Variants in ANKRD34C observed in about 807,000 individuals in gnomAD.
ANKRD34C encodes the protein ankyrin repeat domain 34C.
For synonymous variants in ANKRD34C, 260 were observed against 253.6 expected (o/e 1.03, Z -0.24); for missense variants, 563 against 653.0 (o/e 0.86, Z 1.50).
chr15:79,289,612 C>T (rs1427436767), intron 1 of ANKRD34C, among the ~76,000 whole-genome samples: 2 of 152,212 alleles, frequency 1.3e-5, no homozygotes, highest in African/African-American at 2.4e-5. Flanking sequence ...ACTAGAGGTA[C>T]GTGATTTGCA....
At position 79,293,484 on chromosome 15, in the gene ANKRD34C, T is replaced by C; in HGVS notation, c.200T>C (p.Met67Thr). The C allele has an allele frequency of 2.6e-6, 4 of 1,551,644 alleles. No individual in the cohort carries two copies. The highest frequency in any genetic ancestry group is 3.5e-6 in the Non-Finnish European group (4 of 1,146,956). The change falls in exon 2 of 2, where the codon ATG becomes ACG. Residue 67 changes from methionine (M) to threonine (T), a missense_variant. By Grantham distance (81) the Met-to-Thr change is moderately conservative (BLOSUM62 -1). Transcript: ENST00000421388. ...CAGCAAAGCATCAGCAAGTCCAAGA[T>C]GGTGAAGTACCTGCTGGACAACAGG... ...VDQQSISKSKMVKYLLDNRAD... is the reference protein window; with the variant it reads ...VDQQSISKSKTVKYLLDNRAD...
rs117920674 is a variant in ANKRD34C at position 79,288,571 on chromosome 15, G to A, written c.-44-4670G>A. Among the ~76,000 whole-genome samples the A allele has an allele frequency of 3.4e-3, 516 of 152,212 alleles. 4 individuals are homozygous for A. The highest frequency in any genetic ancestry group is 0.026 in the East Asian group (135 of 5,162). ...CTAGTCAGCAGAAACCAGGTGTGGG[G>A]GTTCACCATTTGTAGCAGACAACAG... On this transcript the variant is annotated intron_variant, in intron 1 of 1. Coordinates refer to ENST00000421388, the MANE Select transcript of ANKRD34C (RefSeq NM_001146341.2).
In ANKRD34C at chr15:79,293,359, G is replaced by A. The variant is rs941491229; in HGVS notation, c.75G>A (p.Arg25=). Residue 25 remains arginine (R), a synonymous_variant, in exon 2 of 2, where the codon AGG becomes AGA. Transcript: ENST00000421388. ...LLKAVWLGRL[R]LTRLLLEGGA... The stretch of plus-strand genomic sequence containing the variant: ...AGGCTGTGTGGCTGGGGAGGCTCAG[G>A]TTGACCAGGCTGCTCTTGGAAGGGG... 1 of 1,551,356 alleles carries A rather than the reference G, an allele frequency of 6.4e-7. No homozygotes were observed. Among genetic ancestry groups the A allele is most frequent in the Non-Finnish European group, 8.7e-7 (1 of 1,146,880 alleles).
In ANKRD34C at chr15:79,293,647, A is replaced by G. The variant is rs76207286; in HGVS notation, c.363A>G (p.Ser121=). 2,119 of 1,551,702 alleles carry G rather than the reference A, an allele frequency of 1.4e-3. 23 individuals are homozygous for G. In the Admixed American group the frequency reaches 0.023, roughly 17 times the overall value. Residue 121 remains serine, a synonymous_variant, in exon 2 of 2, where the codon TCA becomes TCG. Transcript: ENST00000421388. ...GCCTTGAAGATCGCACTGGGGCTTCAGCTCTGGTTTATGCAATAAATGCAG... is the reference window on the plus strand; with the variant it reads ...GCCTTGAAGATCGCACTGGGGCTTCGGCTCTGGTTTATGCAATAAATGCAG... ...DPSLEDRTGA[S]ALVYAINADD... is the part of the protein sequence containing the mutation.
rs2058664184 is a variant in ANKRD34C at position 79,293,312 on chromosome 15, AC to A, written c.29del (p.Thr10MetfsTer7). MMDDDTELR[T>X]DGNSLLKAVW... is the part of the protein sequence containing the mutation. ...GATGGATGATGACACTGAATTAAGG[AC>A]TGATGGAAACTCTTTGTTAAAGGCT... On this transcript the variant is annotated frameshift_variant, in exon 2 of 2. Coordinates refer to ENST00000421388, the MANE Select transcript of ANKRD34C (RefSeq NM_001146341.2). LOFTEE classifies it low-confidence loss of function (END_TRUNC). The A allele has an allele frequency of 6.5e-7, 1 of 1,536,782 alleles. No homozygotes were observed. The highest frequency in any genetic ancestry group is 2.0e-5 in the Admixed American group (1 of 49,736).
At chr15:79,287,685 T>C (rs1376436447) in intron 1 of ANKRD34C, among the ~76,000 whole-genome samples, 1 of 152,260 alleles carries the variant, frequency 6.6e-6, no homozygotes, top group Non-Finnish European at 1.5e-5. Context: ...GCTGACTTAT[T>C]GGAAGGCTTC....
chr15:79,293,199 T>C lies in ANKRD34C; in HGVS notation c.-44-42T>C, dbSNP rs187816396. On this transcript the variant is annotated intron_variant, in intron 1 of 1. Transcript: ENST00000421388. ...TAATAACCATGCTGCACAGATCTGT[T>C]ATAAAACATATAACATTTGTTCCCT... 1.1e-5 allele frequency: 15 copies of C among 1,353,362 alleles called. No homozygotes were observed. In the East Asian group the frequency reaches 1.5e-4, roughly 14 times the overall value. 83.8% of individuals were successfully genotyped at this position (1,353,362 alleles called of 1,614,324 possible). A position where few individuals can be genotyped will look rare whatever the true frequency, so the allele number is the denominator to read the frequency against.
rs2058674293 is a variant in ANKRD34C at position 79,297,170 on chromosome 15, T to C, written c.*2278T>C. On this transcript the variant is annotated 3_prime_UTR_variant, in exon 2 of 2. Coordinates refer to ENST00000421388, the MANE Select transcript of ANKRD34C (RefSeq NM_001146341.2). The stretch of plus-strand genomic sequence containing the variant: ...ATTAATAGTTCTTACCAAGTAGAAG[T>C]GATCCCAGGCAAAGAAACAACTTTC... 6.0e-6 allele frequency: 1 copy of C among 166,886 alleles called. No homozygotes were observed. Among genetic ancestry groups the C allele is most frequent in the Non-Finnish European group, 1.5e-5 (1 of 68,128 alleles). 10.3% of individuals were successfully genotyped at this position (166,886 alleles called of 1,614,324 possible).
rs764110477 is a variant in ANKRD34C, at chr15:79,294,936, G to C, written c.*44G>C. The C allele has an allele frequency of 6.2e-5, 91 of 1,468,844 alleles. No homozygotes were observed. The Middle Eastern group carries it at 8.9e-4, about 14-fold the overall frequency. 91.0% of individuals were successfully genotyped at this position (1,468,844 alleles called of 1,614,324 possible). ...AAATAGTCAATATAGTTTATGGAAG[G>C]GACTATGGATGAGACTGCTTCCTGA... On this transcript the variant is annotated 3_prime_UTR_variant, in exon 2 of 2. Coordinates refer to ENST00000421388, the MANE Select transcript of ANKRD34C (RefSeq NM_001146341.2).
intron 1 of ANKRD34C, among the ~76,000 whole-genome samples, chr15:79,288,977 C>G (rs572404687): frequency 6.6e-6 from 1 of 151,858 alleles, no homozygotes; most frequent in Non-Finnish European, 1.5e-5. Flanking sequence ...TGTGCCACCA[C>G]GCCTGGCTAA....
intron 1 of ANKRD34C, among the ~76,000 whole-genome samples, chr15:79,285,281 A>G (rs977987255): frequency 1.3e-5 from 2 of 152,208 alleles, no homozygotes; most frequent in African/African-American, 4.8e-5. Flanking sequence ...AAAAGTCCGT[A>G]GACTCTTCTC....
At position 79,296,493 on chromosome 15, in the gene ANKRD34C, T is replaced by C. The variant is rs896294567; in HGVS notation, c.*1601T>C. Reference sequence around the variant, plus strand: ...ATGGAATAAAGTTTCTCTGGAAAAGTTCAAGTATCTCTATGAGATCCCCAG... The same window carrying C: ...ATGGAATAAAGTTTCTCTGGAAAAGCTCAAGTATCTCTATGAGATCCCCAG... On this transcript the variant is annotated 3_prime_UTR_variant, in exon 2 of 2. Coordinates refer to ENST00000421388, the MANE Select transcript of ANKRD34C (RefSeq NM_001146341.2). 1 of 167,210 alleles carries C rather than the reference T, an allele frequency of 6.0e-6. No homozygotes were observed. The highest frequency in any genetic ancestry group is 1.9e-4 in the East Asian group (1 of 5,196). The allele number at this position is 167,210 out of a possible 1,614,324, so 10.4% of individuals were successfully genotyped here. A position where few individuals can be genotyped will look rare whatever the true frequency, so the allele number is the denominator to read the frequency against.
intron 1 of ANKRD34C, among the ~76,000 whole-genome samples, chr15:79,291,360 C>A (rs141587977): frequency 6.6e-5 from 10 of 152,122 alleles, no homozygotes; most frequent in Non-Finnish European, 1.3e-4. Flanking sequence ...AGGACCCCTT[C>A]GATGAAATGG....
Position 79,293,182 on chromosome 15 carries a change from A to G in ANKRD34C, c.-44-59A>G, listed in dbSNP as rs373720019. 23 of 1,275,458 alleles carry G rather than the reference A, an allele frequency of 1.8e-5. No homozygotes were observed. In the East Asian group the frequency reaches 5.1e-4, roughly 28 times the overall value. 79.0% of individuals were successfully genotyped at this position (1,275,458 alleles called of 1,614,324 possible). ...ACTGTACCCAGACCCCGTAATAACC[A>G]TGCTGCACAGATCTGTTATAAAACA... On this transcript the variant is annotated intron_variant, in intron 1 of 1. Coordinates refer to ENST00000421388, the MANE Select transcript of ANKRD34C (RefSeq NM_001146341.2).
intron 1 of ANKRD34C, among the ~76,000 whole-genome samples, chr15:79,290,139 C>A (rs543889625): frequency 6.6e-6 from 1 of 151,570 alleles, no homozygotes; most frequent in East Asian, 1.9e-4. Context: ...ATCCACCTGC[C>A]TCAGCCTCCT....
chr15:79,291,361 G>A (rs772002416), intron 1 of ANKRD34C, among the ~76,000 whole-genome samples: 1 of 152,058 alleles, frequency 6.6e-6, no homozygotes, highest in Admixed American at 6.6e-5. Flanking sequence ...GGACCCCTTC[G>A]ATGAAATGGA....
Position 79,297,018 on chromosome 15 carries a change from T to G in ANKRD34C, c.*2126T>G, listed in dbSNP as rs2058673955. ...TTCTTGGCAAACACACTCCAACATG[T>G]GTGCTAATGGTCTCATACTTTGTAG... On this transcript the variant is annotated 3_prime_UTR_variant, in exon 2 of 2. Coordinates refer to ENST00000421388, the MANE Select transcript of ANKRD34C (RefSeq NM_001146341.2). 1 of 167,108 alleles carries G rather than the reference T, an allele frequency of 6.0e-6. No homozygotes were observed. The highest frequency in any genetic ancestry group is 2.1e-4 in the South Asian group (1 of 4,836). The allele number at this position is 167,108 out of a possible 1,614,324, so 10.4% of individuals were successfully genotyped here.
chr15:79,286,288 A>C (rs2058644812), intron 1 of ANKRD34C, among the ~76,000 whole-genome samples: 1 of 152,048 alleles, frequency 6.6e-6, no homozygotes, highest in Non-Finnish European at 1.5e-5. Context: ...AACCAGGCAA[A>C]CTTTGCTCTC....
rs1006893748 is a variant in ANKRD34C, at chr15:79,294,009, C to A, written c.725C>A (p.Ala242Asp). The stretch of plus-strand genomic sequence containing the variant: ...AGGAAAGTCAGTAATCTCAAAAGGG[C>A]CCGTTTGCCTCAACTGAAGAGGCTC... Reference protein sequence around the residue: ...PTRKVSNLKRARLPQLKRLQS... With the variant: ...PTRKVSNLKRDRLPQLKRLQS... The change falls in exon 2 of 2, where the codon GCC (alanine) becomes GAC (aspartate). Residue 242 changes from alanine to aspartate, a missense_variant. Coordinates refer to ENST00000421388, the MANE Select transcript of ANKRD34C (RefSeq NM_001146341.2). The A allele has an allele frequency of 2.6e-6, 4 of 1,551,550 alleles. No individual in the cohort carries two copies. The highest frequency in any genetic ancestry group is 2.6e-6 in the Non-Finnish European group (3 of 1,146,992).
Sources: allele counts gnomAD v4.1 joint callset (sites outside exome capture counted in the v4.1 genomes callset), GRCh38; gene constraint gnomAD v4.1.1; transcripts MANE v1.5; gene names NCBI Gene and HGNC (gene_info 2026-07-23, HGNC 2026-07-21).